Variants in IGFL4 observed in about 807,000 individuals in gnomAD.
IGFL4 encodes the protein insulin growth factor-like family member 4.
Under a neutral mutation model 15.4 loss-of-function variants are expected in IGFL4, and 12 were observed. That is an observed-to-expected ratio of 0.78 (90% CI 0.50 to 1.26). The LOEUF (loss-of-function observed/expected upper bound fraction) is 1.26. IGFL4 is among the 50% of genes most tolerant of loss of function. The pLI, the probability that IGFL4 is intolerant of heterozygous loss-of-function variation, is 0.00. For missense variants in IGFL4, 126 were observed against 147.8 expected (o/e 0.85, Z 0.76); for synonymous variants, 54 against 55.9 (o/e 0.97, Z 0.16).
chr19:46,050,822 C>T (rs934027091), intron 2 of IGFL4, among the ~76,000 whole-genome samples: 1 of 152,136 alleles, frequency 6.6e-6, no homozygotes, highest in Non-Finnish European at 1.5e-5. Flanking sequence ...TCAACGGACA[C>T]CTGGGAAACT....
At chr19:46,074,620 G>A (rs1215989081) in intron 1 of IGFL4, among the ~76,000 whole-genome samples, 1 of 152,076 alleles carries the variant, frequency 6.6e-6, no homozygotes, top group African/African-American at 2.4e-5. Flanking sequence ...CATCCAGCAT[G>A]AGGGAAAGAT....
chr19:46,065,183 G>A (rs1969482572), intron 1 of IGFL4, among the ~76,000 whole-genome samples: 2 of 151,696 alleles, frequency 1.3e-5, no homozygotes, highest in Admixed American at 1.3e-4. Flanking sequence ...CTTAGGTATT[G>A]TGGTTACTAA....
chr19:46,066,308 T>C (rs1969494122), intron 1 of IGFL4, among the ~76,000 whole-genome samples: 1 of 152,232 alleles, frequency 6.6e-6, no homozygotes, highest in African/African-American at 2.4e-5. Flanking sequence ...CTAAAATGTT[T>C]AAATTATCTG....
rs1332571636 is a variant in IGFL4 at position 46,075,688 on chromosome 19, G to A, written c.-432+1332C>T. On this transcript the variant is annotated intron_variant, in intron 1 of 5. Transcript: ENST00000601672. ...GGCTGATGTGGTATTTTTCTCCAGC[G>A]TAAAGTTACTCTTTTTCTCCCCTTT... is the stretch of plus-strand genomic sequence containing the variant. Among the ~76,000 whole-genome samples, 3 of 152,118 alleles carry A rather than the reference G, an allele frequency of 2.0e-5. No homozygotes were observed. The South Asian group carries it at 6.2e-4, about 31-fold the overall frequency.
At position 46,040,698 on chromosome 19, in the gene IGFL4, G is replaced by A. The variant is rs996977080; in HGVS notation, c.20-130C>T. ...GAGTGGATTTTGGGACTGGCTGTGGGTGCAGGTCCTGGGGACTGGGCTTGG... is the reference window on the plus strand; with the variant it reads ...GAGTGGATTTTGGGACTGGCTGTGGATGCAGGTCCTGGGGACTGGGCTTGG... On this transcript the variant is annotated intron_variant, in intron 1 of 3. Transcript: ENST00000377697. The surrounding 1 kb of genome is among the most constrained non-coding windows in gnomAD (Gnocchi z 4.1). 7 of 1,115,588 alleles carry A rather than the reference G, an allele frequency of 6.3e-6. No individual in the cohort carries two copies. In the African/African-American group the frequency reaches 9.3e-5, roughly 15 times the overall value. 69.1% of individuals were successfully genotyped at this position (1,115,588 alleles called of 1,614,324 possible). A position where few individuals can be genotyped will look rare whatever the true frequency, so the allele number is the denominator to read the frequency against.
At chr19:46,069,299 T>C (rs1969523733) in intron 1 of IGFL4, among the ~76,000 whole-genome samples, 1 of 152,242 alleles carries the variant, frequency 6.6e-6, no homozygotes, top group South Asian at 2.1e-4. Context: ...ACCCTCTGTA[T>C]TCTTCTCTCT....
chr19:46,075,217 A>G (rs768546598), intron 1 of IGFL4, among the ~76,000 whole-genome samples: 4 of 152,238 alleles, frequency 2.6e-5, no homozygotes, highest in Non-Finnish European at 4.4e-5. Flanking sequence ...AATTAATGAA[A>G]GGATATTTAT....
chr19:46,068,313 T>A (rs1600678833), intron 1 of IGFL4, among the ~76,000 whole-genome samples: 1 of 152,214 alleles, frequency 6.6e-6, no homozygotes. Flanking sequence ...TAATCTGAGG[T>A]CCTGGGATAC....
chr19:46,067,780 A>G (rs755804385), intron 1 of IGFL4, among the ~76,000 whole-genome samples: 38 of 152,148 alleles, frequency 2.5e-4, no homozygotes, highest in Non-Finnish European at 5.1e-4. Flanking sequence ...CATCTGATCT[A>G]TCCCTCAGGA....
chr19:46,040,067 C>G lies in IGFL4; in HGVS notation c.330+90G>C. Reference sequence around the variant, plus strand: ...AGAGATGGGAAGGTATGGAACCCAGCAGAGACTGCACATCTGGGTGGGACA... The same window carrying G: ...AGAGATGGGAAGGTATGGAACCCAGGAGAGACTGCACATCTGGGTGGGACA... On this transcript the variant is annotated intron_variant, in intron 3 of 3. Transcript: ENST00000377697. This position sits in a 1 kb window ranked among gnomAD's most constrained non-coding sequence, Gnocchi z 4.1. 1 of 1,540,976 alleles carries G rather than the reference C, an allele frequency of 6.5e-7. No homozygotes were observed. Among genetic ancestry groups the G allele is most frequent in the Non-Finnish European group, 9.0e-7 (1 of 1,115,598 alleles).
intron 1 of IGFL4, among the ~76,000 whole-genome samples, chr19:46,073,244 G>A (rs950060805): frequency 1.3e-5 from 2 of 152,126 alleles, no homozygotes; most frequent in African/African-American, 4.8e-5. Flanking sequence ...AGGTTAAAAA[G>A]TATTTTAAAT....
chr19:46,076,852 C>T (rs1969604841), intron 1 of IGFL4, among the ~76,000 whole-genome samples: 3 of 152,174 alleles, frequency 2.0e-5, no homozygotes, highest in Non-Finnish European at 4.4e-5. Flanking sequence ...TATGCGTCTT[C>T]CCTGTTCACT....
upstream of IGFL4, among the ~76,000 whole-genome samples, chr19:46,045,183 A>T (rs1183558725): frequency 6.6e-6 from 1 of 152,064 alleles, no homozygotes; most frequent in Admixed American, 6.6e-5. Flanking sequence ...AGTGGCTCAC[A>T]CCTTTAATCC....
At position 46,039,776 on chromosome 19, in the gene IGFL4, C is replaced by T. The variant is rs1969217307; in HGVS notation, c.*116G>A. The T allele has an allele frequency of 2.2e-6, 2 of 915,204 alleles. No homozygotes were observed. The highest frequency in any genetic ancestry group is 3.6e-5 in the Admixed American group (2 of 54,868). The allele number at this position is 915,204 out of a possible 1,614,324, so 56.7% of individuals were successfully genotyped here. A position where few individuals can be genotyped will look rare whatever the true frequency, so the allele number is the denominator to read the frequency against. On this transcript the variant is annotated 3_prime_UTR_variant, in exon 4 of 4. Coordinates refer to ENST00000377697, the MANE Select transcript of IGFL4 (RefSeq NM_001002923.3). ...AGACTTTGCTGAAGTTGCTTATTTG[C>T]ACTCCAGCCTGGGGGACAGAGTGAA...
Position 46,039,830 on chromosome 19 carries a change from G to A in IGFL4, c.*62C>T. 1 of 1,357,718 alleles carries A rather than the reference G, an allele frequency of 7.4e-7. No homozygotes were observed. Among genetic ancestry groups the A allele is most frequent in the Non-Finnish European group, 1.1e-6 (1 of 946,556 alleles). 84.1% of individuals were successfully genotyped at this position (1,357,718 alleles called of 1,614,324 possible). A position where few individuals can be genotyped will look rare whatever the true frequency, so the allele number is the denominator to read the frequency against. On this transcript the variant is annotated 3_prime_UTR_variant, in exon 4 of 4. Transcript: ENST00000377697. ...CTGTCACAACAACAACAAAATCAAT[G>A]CAGTATAATTACCAAGTATTAGATT...
intron 1 of IGFL4, among the ~76,000 whole-genome samples, chr19:46,076,846 C>T (rs544226009): frequency 6.6e-6 from 1 of 152,120 alleles, no homozygotes; most frequent in East Asian, 1.9e-4. Flanking sequence ...TCTACCTATG[C>T]GTCTTCCCTG....
intron 2 of IGFL4, among the ~76,000 whole-genome samples, chr19:46,051,093 T>TA (rs1353708590): frequency 1.3e-5 from 2 of 152,224 alleles, no homozygotes; most frequent in Admixed American, 1.3e-4. Context: ...GAAGGAAAGA[T>TA]ACAGTCTTTT....
chr19:46,040,070 A>G lies in IGFL4; in HGVS notation c.330+87T>C. On this transcript the variant is annotated intron_variant, in intron 3 of 3. Coordinates refer to ENST00000377697, the MANE Select transcript of IGFL4 (RefSeq NM_001002923.3). The surrounding 1 kb of genome is among the most constrained non-coding windows in gnomAD (Gnocchi z 4.1). ...GATGGGAAGGTATGGAACCCAGCAGAGACTGCACATCTGGGTGGGACATGG... is the reference window on the plus strand; with the variant it reads ...GATGGGAAGGTATGGAACCCAGCAGGGACTGCACATCTGGGTGGGACATGG... 1.3e-6 allele frequency: 2 copies of G among 1,543,822 alleles called. No individual in the cohort carries two copies. The highest frequency in any genetic ancestry group is 1.7e-5 in the Admixed American group (1 of 59,878).
At chr19:46,041,468 G>T (rs762479695), upstream of IGFL4, among the ~76,000 whole-genome samples, 10 of 152,184 alleles carry the variant, frequency 6.6e-5, no homozygotes, top group Non-Finnish European at 1.5e-4. Flanking sequence ...GAGAATTTGT[G>T]AAGTTGCAGC....
Sources: gnomAD v4.1 joint callset for allele counts (sites outside exome capture counted in the v4.1 genomes callset) on GRCh38, gnomAD v4.1.1 for gene constraint, Gnocchi (gnomAD v3.1) non-coding constraint, MANE v1.5 for transcripts, NCBI Gene and HGNC (gene_info 2026-07-23, HGNC 2026-07-21) for gene names.